Variants in CLVS1 observed in about 807,000 individuals in gnomAD.
The protein encoded by CLVS1 is clavesin 1, also known as clavesin-1.
CLVS1 carries 10 observed loss-of-function variants against 33.1 expected under a neutral mutation model. The observed-to-expected ratio is 0.30, with a 90% CI of 0.19 to 0.51. The LOEUF (loss-of-function observed/expected upper bound fraction) is 0.51. Ranked by LOEUF, CLVS1 falls within the 20% of genes least tolerant of loss-of-function variation. The probability of loss-of-function intolerance (pLI) is 0.97; values close to 1 mark genes in which losing one functional copy is unlikely to be tolerated. For synonymous variants in CLVS1, 163 were observed against 166.1 expected (o/e 0.98, Z 0.14); for missense variants, 343 against 433.4 (o/e 0.79, Z 1.85).
the CLVS1 span, among the ~76,000 whole-genome samples, chr8:60,972,775 G>A: frequency 6.6e-5 from 10 of 152,268 alleles, no homozygotes; most frequent in African/African-American, 2.4e-4. Flanking sequence ...CTAGCCCCAT[G>A]CCCATCAAGC....
At chr8:61,132,448 G>T (rs935933657) in intron 2 of CLVS1, among the ~76,000 whole-genome samples, 1 of 152,220 alleles carries the variant, frequency 6.6e-6, no homozygotes, top group African/African-American at 2.4e-5. Flanking sequence ...TGGGCAGGAG[G>T]TTCTACTGTG....
At chr8:61,397,903 G>A (rs1253128437) in intron 3 of CLVS1, among the ~76,000 whole-genome samples, 1 of 152,014 alleles carries the variant, frequency 6.6e-6, no homozygotes, top group Admixed American at 6.6e-5. Context: ...GATTATTATA[G>A]CTTTGCAATA....
At chr8:61,012,137 A>C in the CLVS1 span, among the ~76,000 whole-genome samples, 1 of 152,148 alleles carries the variant, frequency 6.6e-6, no homozygotes, top group Admixed American at 6.5e-5. Flanking sequence ...GAGAGCAAAG[A>C]TGTCCAGCTT....
intron 5 of CLVS1, among the ~76,000 whole-genome samples, chr8:61,476,498 G>A: frequency 6.6e-6 from 1 of 152,122 alleles, no homozygotes; most frequent in Non-Finnish European, 1.5e-5. Context: ...AGTTCTCCTT[G>A]AATAAGTCCT....
At chr8:60,966,845 TA>T in the CLVS1 span, among the ~76,000 whole-genome samples, 1 of 152,158 alleles carries the variant, frequency 6.6e-6, no homozygotes, top group Non-Finnish European at 1.5e-5. Flanking sequence ...AAATTTCTTA[TA>T]CATGACATTG....
chr8:61,011,055 G>C, the CLVS1 span, among the ~76,000 whole-genome samples: 1 of 152,290 alleles, frequency 6.6e-6, no homozygotes, highest in South Asian at 2.1e-4. Flanking sequence ...GCTGTAATGG[G>C]AGACCCTACA....
the CLVS1 span, among the ~76,000 whole-genome samples, chr8:61,020,696 G>A: frequency 6.6e-6 from 1 of 152,200 alleles, no homozygotes; most frequent in Admixed American, 6.5e-5. Flanking sequence ...AGCATGGAAG[G>A]CATTGAGAAG....
At chr8:61,371,889 C>T (rs1184029680) in intron 2 of CLVS1, among the ~76,000 whole-genome samples, 4 of 152,138 alleles carry the variant, frequency 2.6e-5, no homozygotes, top group African/African-American at 9.7e-5. Flanking sequence ...TTTACTAAGT[C>T]CTAACTTGTA....
At chr8:61,287,766 C>G (rs1809821198), upstream of CLVS1, among the ~76,000 whole-genome samples, 1 of 152,116 alleles carries the variant, frequency 6.6e-6, no homozygotes, top group African/African-American at 2.4e-5. Flanking sequence ...TGCTTTTGCG[C>G]TTTCATTAAT....
intron 2 of CLVS1, among the ~76,000 whole-genome samples, chr8:61,258,757 A>T (rs529686709): frequency 5.9e-5 from 9 of 152,340 alleles, no homozygotes; most frequent in African/African-American, 2.2e-4. Context: ...ATTTCTGTAT[A>T]CTTAGATTAG....
chr8:61,179,541 T>C (rs1236339900), intron 2 of CLVS1, among the ~76,000 whole-genome samples: 1 of 152,218 alleles, frequency 6.6e-6, no homozygotes, highest in Non-Finnish European at 1.5e-5. Flanking sequence ...GAATATACAT[T>C]CTTCTCAGTG....
At chr8:61,185,268 A>G (rs1402390262) in intron 2 of CLVS1, among the ~76,000 whole-genome samples, 1 of 151,104 alleles carries the variant, frequency 6.6e-6, no homozygotes. Context: ...CAACCTCTCA[A>G]GTAGCTAGGA....
intron 2 of CLVS1, among the ~76,000 whole-genome samples, chr8:61,228,782 C>A (rs1994370): frequency 0.47 from 71,904 of 152,002 alleles, 17,762 homozygotes; most frequent in East Asian, 0.82. Context: ...ATTTTTAATG[C>A]ATTTATTCAT....
chr8:61,075,943 G>T (rs1804902429), intron 1 of CLVS1, among the ~76,000 whole-genome samples: 1 of 152,084 alleles, frequency 6.6e-6, no homozygotes, highest in African/African-American at 2.4e-5. Context: ...TTGATGCTGT[G>T]GAATGAAATA....
intron 5 of CLVS1, among the ~76,000 whole-genome samples, chr8:61,494,503 T>A (rs1178084313): frequency 1.3e-5 from 2 of 152,152 alleles, no homozygotes; most frequent in Non-Finnish European, 2.9e-5. Context: ...TTAGCAGACA[T>A]GTTAAGCTTC....
intron 2 of CLVS1, among the ~76,000 whole-genome samples, chr8:61,161,793 G>A (rs1462990525): frequency 6.6e-6 from 1 of 152,154 alleles, no homozygotes; most frequent in Non-Finnish European, 1.5e-5. Flanking sequence ...GGTTTTAAAT[G>A]TTCTCATCGC....
intron 5 of CLVS1, among the ~76,000 whole-genome samples, chr8:61,482,298 C>T (rs1554579620): frequency 6.6e-6 from 1 of 152,188 alleles, no homozygotes; most frequent in Non-Finnish European, 1.5e-5. Context: ...GCCTCTTCTC[C>T]TCCAAAGGAA....
the CLVS1 span, among the ~76,000 whole-genome samples, chr8:61,013,563 T>C: frequency 9.9e-5 from 15 of 152,178 alleles, no homozygotes; most frequent in Non-Finnish European, 1.9e-4. Context: ...GATTTTTGAG[T>C]GGGGTGAAGC....
chr8:61,443,572 G>T (rs1187788736), intron 3 of CLVS1, among the ~76,000 whole-genome samples: 1 of 151,358 alleles, frequency 6.6e-6, no homozygotes, highest in East Asian at 1.9e-4. Flanking sequence ...TCTATTCTTG[G>T]GTCCTCTATT....
Sources: allele counts gnomAD v4.1 joint callset (sites outside exome capture counted in the v4.1 genomes callset), GRCh38; gene constraint gnomAD v4.1.1; transcripts MANE v1.5; gene names NCBI Gene and HGNC (gene_info 2026-07-23, HGNC 2026-07-21).